The following AGBL4 variants were observed in gnomAD, a reference collection of about 807,000 sequenced individuals.
AGBL4 encodes cytosolic carboxypeptidase 6.
A neutral mutation model predicts 66.4 loss-of-function variants in AGBL4; 58 were observed. That is an observed-to-expected ratio of 0.87 (90% CI 0.71 to 1.09). The LOEUF (loss-of-function observed/expected upper bound fraction) is 1.09, where lower values mean the gene tolerates loss of function less well. AGBL4 is among the 50% of genes least tolerant of loss of function. AGBL4 has a pLI of 0.00. For synonymous variants in AGBL4, 234 were observed against 222.9 expected (o/e 1.05, Z -0.44); for missense variants, 579 against 631.0 (o/e 0.92, Z 0.88).
intron 2 of AGBL4, among the ~76,000 whole-genome samples, chr1:49,766,116 T>C (rs1421282420): frequency 6.6e-6 from 1 of 152,100 alleles, no homozygotes; most frequent in Non-Finnish European, 1.5e-5. Context: ...AAATGAACAC[T>C]GTCAAAGAAT....
At chr1:49,827,384 A>C (rs1265730270) in intron 2 of AGBL4, among the ~76,000 whole-genome samples, 2 of 152,186 alleles carry the variant, frequency 1.3e-5, no homozygotes, top group Non-Finnish European at 1.5e-5. Flanking sequence ...AAGCTATTAG[A>C]ATTTTTGAAA....
At chr1:48,778,037 G>A (rs17104850) in intron 6 of AGBL4, among the ~76,000 whole-genome samples, 1,746 of 152,228 alleles carry the variant, frequency 0.011, 30 homozygotes, top group African/African-American at 0.039. Flanking sequence ...GGGATGCCTC[G>A]TATCAAATAT....
intron 6 of AGBL4, among the ~76,000 whole-genome samples, chr1:48,773,868 T>C (rs187696919): frequency 2.6e-5 from 4 of 152,192 alleles, no homozygotes; most frequent in African/African-American, 7.2e-5. Context: ...ACAGAGATAA[T>C]GTGTAGGCAT....
intron 1 of AGBL4, among the ~76,000 whole-genome samples, chr1:49,958,355 G>A (rs1571959710): frequency 6.6e-6 from 1 of 151,860 alleles, no homozygotes; most frequent in Non-Finnish European, 1.5e-5. Flanking sequence ...TGCTCTTCTT[G>A]AGGAGTATCT....
chr1:49,202,477 A>G (rs190188113), intron 4 of AGBL4, among the ~76,000 whole-genome samples: 15 of 152,248 alleles, frequency 9.9e-5, no homozygotes, highest in African/African-American at 3.4e-4. Flanking sequence ...ACCTTCACAT[A>G]TATGGTCAAT....
intron 2 of AGBL4, among the ~76,000 whole-genome samples, chr1:49,704,510 T>C (rs1647164476): frequency 6.6e-6 from 1 of 151,550 alleles, no homozygotes; most frequent in South Asian, 2.1e-4. Flanking sequence ...TAGAAGAAAA[T>C]ATAAAAGAAT....
chr1:49,532,161 G>A (rs776450450), intron 3 of AGBL4, among the ~76,000 whole-genome samples: 6 of 152,084 alleles, frequency 3.9e-5, no homozygotes, highest in Non-Finnish European at 8.8e-5. Flanking sequence ...AACTCTAGCT[G>A]AAAGCAAACT....
chr1:49,974,325 A>G (rs931217931), intron 1 of AGBL4, among the ~76,000 whole-genome samples: 1 of 152,210 alleles, frequency 6.6e-6, no homozygotes, highest in African/African-American at 2.4e-5. Flanking sequence ...AAAGATCATA[A>G]TAACTAAATA....
chr1:49,811,652 G>A (rs962380398), intron 2 of AGBL4, among the ~76,000 whole-genome samples: 12 of 151,914 alleles, frequency 7.9e-5, no homozygotes, highest in South Asian at 2.1e-4. Flanking sequence ...ATGGGGTGTC[G>A]CTATGTTGCC....
chr1:49,594,830 T>A (rs908330492), intron 3 of AGBL4, among the ~76,000 whole-genome samples: 1 of 152,192 alleles, frequency 6.6e-6, no homozygotes, highest in Non-Finnish European at 1.5e-5. Context: ...TAAACATATG[T>A]GTGCATGTGT....
intron 2 of AGBL4, among the ~76,000 whole-genome samples, chr1:49,792,802 A>G (rs927639764): frequency 6.6e-6 from 1 of 152,044 alleles, no homozygotes. Context: ...GGTAAGAGGA[A>G]TATAGTAGAA....
At chr1:49,671,216 C>CA (rs1188098180) in intron 3 of AGBL4, among the ~76,000 whole-genome samples, 5 of 151,852 alleles carry the variant, frequency 3.3e-5, no homozygotes, top group Non-Finnish European at 4.4e-5. Flanking sequence ...CAAAGCTATC[C>CA]AAAAAAATCA....
At chr1:49,440,769 G>T (rs1646010244) in intron 3 of AGBL4, among the ~76,000 whole-genome samples, 1 of 152,168 alleles carries the variant, frequency 6.6e-6, no homozygotes, top group Admixed American at 6.5e-5. Flanking sequence ...TGCACGTACA[G>T]CCTCGCCAGG....
chr1:48,676,116 G>A (rs1646360882), intron 6 of AGBL4, among the ~76,000 whole-genome samples: 1 of 152,212 alleles, frequency 6.6e-6, no homozygotes, highest in South Asian at 2.1e-4. Flanking sequence ...AAGCTGTATG[G>A]CCTAGGTAAG....
At chr1:48,861,137 A>T (rs992275429) in intron 6 of AGBL4, among the ~76,000 whole-genome samples, 1 of 152,188 alleles carries the variant, frequency 6.6e-6, no homozygotes, top group Non-Finnish European at 1.5e-5. Flanking sequence ...AGAGACAGAA[A>T]AAAATCTAGA....
At chr1:48,538,946 TC>T (rs1644016723) in intron 12 of AGBL4, among the ~76,000 whole-genome samples, 1 of 152,152 alleles carries the variant, frequency 6.6e-6, no homozygotes, top group African/African-American at 2.4e-5. Context: ...GCCAGCACAT[TC>T]CAGATGCCAT....
chr1:49,458,926 G>T (rs767534989), intron 3 of AGBL4, among the ~76,000 whole-genome samples: 8 of 151,704 alleles, frequency 5.3e-5, no homozygotes, highest in Non-Finnish European at 1.2e-4. Context: ...GATCATGGAG[G>T]ATTATCTTTT....
chr1:48,588,138 G>GCTCTCTATAGA, intron 10 of AGBL4, among the ~76,000 whole-genome samples: 2 of 152,114 alleles, frequency 1.3e-5, no homozygotes, highest in Non-Finnish European at 2.9e-5. Context: ...GCTCATAGAG[G>GCTCTCTATAGA]TGGAGCAAGT....
intron 1 of AGBL4, among the ~76,000 whole-genome samples, chr1:49,975,988 G>A (rs1188691832): frequency 2.6e-5 from 4 of 152,110 alleles, no homozygotes; most frequent in African/African-American, 9.7e-5. Flanking sequence ...TGAAAGGCAG[G>A]GTAAGGGGTG....
Sources: gnomAD v4.1 joint callset for allele counts (sites outside exome capture counted in the v4.1 genomes callset) on GRCh38, gnomAD v4.1.1 for gene constraint, MANE v1.5 for transcripts, NCBI Gene and HGNC (gene_info 2026-07-23, HGNC 2026-07-21) for gene names.